GPC5: variants seen among roughly 807,000 people sequenced by gnomAD.
GPC5 encodes the protein glypican 5.
A neutral mutation model predicts 53.9 loss-of-function variants in GPC5; 47 were observed. The ratio of observed to expected loss-of-function variants is 0.87; its 90% CI spans 0.69 to 1.11. The LOEUF is 1.11. GPC5 is among the 50% of genes most tolerant of loss of function. The pLI is 0.00. For synonymous variants in GPC5, 286 were observed against 263.3 expected (o/e 1.09, Z -0.84); for missense variants, 748 against 713.1 (o/e 1.05, Z -0.56).
At chr13:92,174,538 G>GA (rs545251875) in intron 7 of GPC5, among the ~76,000 whole-genome samples, 22,066 of 113,360 alleles carry the variant, frequency 0.19, 1,806 homozygotes, top group Admixed American at 0.22. Flanking sequence ...CCAACTCAAA[G>GA]AAAAAAAAAA....
chr13:92,458,204 T>A (rs1013420172), intron 7 of GPC5, among the ~76,000 whole-genome samples: 3 of 151,916 alleles, frequency 2.0e-5, no homozygotes, highest in Admixed American at 1.3e-4. Flanking sequence ...TTCAGTATTC[T>A]AGTCTATATG....
rs571524385 is a variant in GPC5 at position 92,080,212 on chromosome 13, A to C, written c.1402-64618A>C. Among the ~76,000 whole-genome samples, 23 of 151,908 alleles carry C rather than the reference A, an allele frequency of 1.5e-4. No individual in the cohort carries two copies. The East Asian group carries it at 2.1e-3, about 14-fold the overall frequency. ...CTTTTATTTTTTTCTTTCTCCCTGC[A>C]CCATCGTTCTCCACAGGTCTGCTCT... On this transcript the variant is annotated intron_variant, in intron 6 of 7. Transcript: ENST00000377067.
rs77940620 is a variant in GPC5 at position 91,681,438 on chromosome 13, T to C, written c.326-11749T>C. The stretch of plus-strand genomic sequence containing the variant: ...CCATTTCAGTGACAACTTGACCCAA[T>C]CAACTATTCCTCTCTGCCTGCCTAG... On this transcript the variant is annotated intron_variant, in intron 2 of 7. Coordinates refer to ENST00000377067, the MANE Select transcript of GPC5 (RefSeq NM_004466.6). Among the ~76,000 whole-genome samples the C allele has an allele frequency of 1.9e-3, 291 of 152,318 alleles. 1 individual carries two copies. The highest frequency in any genetic ancestry group is 6.7e-3 in the African/African-American group (280 of 41,574).
At chr13:91,636,195 A>G (rs1343013212) in intron 2 of GPC5, among the ~76,000 whole-genome samples, 1 of 152,138 alleles carries the variant, frequency 6.6e-6, no homozygotes, top group Non-Finnish European at 1.5e-5. Context: ...TGTGAATGAT[A>G]GCACCATTTA....
intron 5 of GPC5, among the ~76,000 whole-genome samples, chr13:91,903,840 C>A (rs9556129): frequency 0.47 from 70,878 of 151,750 alleles, 18,034 homozygotes; most frequent in East Asian, 0.71. Flanking sequence ...AGCAGGTAAG[C>A]AATTCCTTAG....
chr13:92,674,053 C>A (rs2139210560), intron 7 of GPC5, among the ~76,000 whole-genome samples: 1 of 152,306 alleles, frequency 6.6e-6, no homozygotes, highest in South Asian at 2.1e-4. Flanking sequence ...CCCACTAAAG[C>A]AAATGGCAAA....
intron 7 of GPC5, among the ~76,000 whole-genome samples, chr13:92,328,227 T>C (rs1357834592): frequency 6.6e-6 from 1 of 152,016 alleles, no homozygotes; most frequent in East Asian, 1.9e-4. Context: ...GTGGAGGGAG[T>C]AAGTGAAAAT....
chr13:91,468,225 C>T (rs78813391), intron 2 of GPC5, among the ~76,000 whole-genome samples: 3,054 of 151,902 alleles, frequency 0.02, 98 homozygotes, highest in African/African-American at 0.068. Context: ...ATATTCACAG[C>T]GGAACATAGA....
intron 7 of GPC5, among the ~76,000 whole-genome samples, chr13:92,643,336 A>G (rs1442066965): frequency 6.6e-6 from 1 of 152,162 alleles, no homozygotes; most frequent in African/African-American, 2.4e-5. Context: ...TCAGGGATCT[A>G]GAACTAGAAA....
intron 7 of GPC5, among the ~76,000 whole-genome samples, chr13:92,229,780 G>C (rs2042516609): frequency 6.6e-6 from 1 of 151,792 alleles, no homozygotes; most frequent in Non-Finnish European, 1.5e-5. Flanking sequence ...AAATATTATG[G>C]CATAAATAGT....
At chr13:92,091,141 A>G (rs2041377173) in intron 6 of GPC5, among the ~76,000 whole-genome samples, 1 of 152,182 alleles carries the variant, frequency 6.6e-6, no homozygotes, top group Non-Finnish European at 1.5e-5. Context: ...TGAGCTGCCT[A>G]AGACACCATG....
At chr13:92,577,078 A>G (rs1456334151) in intron 7 of GPC5, among the ~76,000 whole-genome samples, 8 of 152,130 alleles carry the variant, frequency 5.3e-5, no homozygotes, top group Non-Finnish European at 7.3e-5. Context: ...TATCTGCAAT[A>G]TTAAAAGCTA....
intron 7 of GPC5, among the ~76,000 whole-genome samples, chr13:92,615,825 C>T (rs1594350814): frequency 1.3e-5 from 2 of 152,054 alleles, no homozygotes; most frequent in East Asian, 1.9e-4. Flanking sequence ...GAGGCCGAGG[C>T]GGGTGGATCA....
intron 5 of GPC5, among the ~76,000 whole-genome samples, chr13:91,837,122 C>T (rs1368327841): frequency 2.6e-5 from 4 of 151,032 alleles, no homozygotes; most frequent in East Asian, 1.9e-4. Flanking sequence ...ATCTCTCTTA[C>T]TCCCAAGGCA....
chr13:91,645,022 T>C (rs2034525569), intron 2 of GPC5, among the ~76,000 whole-genome samples: 1 of 152,244 alleles, frequency 6.6e-6, no homozygotes, highest in Non-Finnish European at 1.5e-5. Flanking sequence ...TGTGTGTTTA[T>C]ATGTTGAAAT....
At chr13:91,560,789 A>T (rs1239613591) in intron 2 of GPC5, among the ~76,000 whole-genome samples, 1 of 113,660 alleles carries the variant, frequency 8.8e-6, no homozygotes, top group African/African-American at 4.2e-5. Flanking sequence ...GTTATAATTA[A>T]AAAAAAAATC....
rs187011923 is a variant in GPC5, at chr13:92,114,870, G to T, written c.1402-29960G>T. On this transcript the variant is annotated intron_variant, in intron 6 of 7. Coordinates refer to ENST00000377067, the MANE Select transcript of GPC5 (RefSeq NM_004466.6). ...GGTAATGGGGAGTATTTTTCAAAATGAAACACACTTATCTACCAATACGTT... is the reference window on the plus strand; with the variant it reads ...GGTAATGGGGAGTATTTTTCAAAATTAAACACACTTATCTACCAATACGTT... 9.9e-4 allele frequency among the ~76,000 whole-genome samples: 150 copies of T among 152,264 alleles called. 2 individuals are homozygous for T. The highest frequency in any genetic ancestry group is 3.2e-3 in the African/African-American group (133 of 41,568).
intron 2 of GPC5, among the ~76,000 whole-genome samples, chr13:91,554,385 A>G (rs2030822318): frequency 6.6e-6 from 1 of 151,938 alleles, no homozygotes; most frequent in Non-Finnish European, 1.5e-5. Context: ...AGACTCACAG[A>G]CACACACATA....
At chr13:91,555,313 G>A (rs1594246840) in intron 2 of GPC5, among the ~76,000 whole-genome samples, 1 of 152,150 alleles carries the variant, frequency 6.6e-6, no homozygotes, top group African/African-American at 2.4e-5. Flanking sequence ...TCACAGCAAA[G>A]TCAAGAACCA....
Sources: gnomAD v4.1 joint callset for allele counts (sites outside exome capture counted in the v4.1 genomes callset) on GRCh38, gnomAD v4.1.1 for gene constraint, MANE v1.5 for transcripts, NCBI Gene and HGNC (gene_info 2026-07-23, HGNC 2026-07-21) for gene names.